The following ABCD4 variants were observed in gnomAD, a reference collection of about 807,000 sequenced individuals.
The protein encoded by ABCD4 is lysosomal cobalamin transporter ABCD4.
ABCD4 carries 53 observed loss-of-function variants against 86.3 expected under a neutral mutation model. That is an observed-to-expected ratio of 0.61 (90% confidence interval 0.49 to 0.77). The LOEUF (loss-of-function observed/expected upper bound fraction) is 0.77. Among genes scored for constraint, ABCD4 ranks in the 30% least tolerant of loss-of-function variants. The probability of loss-of-function intolerance (pLI) is 0.00; values close to 1 mark genes in which losing one functional copy is unlikely to be tolerated. For synonymous variants in ABCD4, 328 were observed against 313.6 expected (o/e 1.05, Z -0.49); for missense variants, 757 against 764.5 (o/e 0.99, Z 0.12).
Position 74,290,012 on chromosome 14 carries a change from C to T in ABCD4, c.1419+15G>A, listed in dbSNP as rs2081034230. 7 of 1,614,052 alleles carry T rather than the reference C, an allele frequency of 4.3e-6. No individual in the cohort carries two copies. Among genetic ancestry groups the T allele is most frequent in the African/African-American group, 1.3e-5 (1 of 75,004 alleles). On this transcript the variant is annotated intron_variant, in intron 13 of 18. Transcript: ENST00000356924. Reference sequence around the variant, plus strand: ...GGTTGAGGAGGGAGGAGTGAGCCCCCTGAACTAGACTGACCTGCTCCCGAA... The same window carrying T: ...GGTTGAGGAGGGAGGAGTGAGCCCCTTGAACTAGACTGACCTGCTCCCGAA...
Position 74,298,007 on chromosome 14 carries a change from A to G in ABCD4, c.348T>C (p.Thr116=). Residue 116 remains threonine (T), a synonymous_variant, in exon 4 of 19, where the codon ACT becomes ACC. Transcript: ENST00000356924. ...LLYVSWRKDL[T]EHLHRLYFRG... is the part of the protein sequence containing the mutation. ...GGAAGTAGAGGCGGTGAAGGTGCTC[A>G]GTGAGGTCCTTCCTCCAGCTCACAT... The G allele has an allele frequency of 6.2e-7, 1 of 1,614,068 alleles. No individual in the cohort carries two copies. Among genetic ancestry groups the G allele is most frequent in the Non-Finnish European group, 8.5e-7 (1 of 1,179,994 alleles).
At position 74,290,335 on chromosome 14, in the gene ABCD4, G is replaced by A. The variant is rs945270666; in HGVS notation, c.1283C>T (p.Thr428Ile). Residue 428 changes from threonine to isoleucine, a missense_variant, in exon 12 of 19, where the codon ACC becomes ATC. Transcript: ENST00000356924. Reference sequence around the variant, plus strand: ...GCCACCCAGAACCCGGAGCAAGGAGGTCTTGCCAGTGCCCGTGTTGCCTGT... The same window carrying A: ...GCCACCCAGAACCCGGAGCAAGGAGATCTTGCCAGTGCCCGTGTTGCCTGT... ...LITGNTGTGKTSLLRVLGGLW... is the reference protein window; with the variant it reads ...LITGNTGTGKISLLRVLGGLW... 4 of 1,614,238 alleles carry A rather than the reference G, an allele frequency of 2.5e-6. No homozygotes were observed. Among genetic ancestry groups the A allele is most frequent in the East Asian group, 2.2e-5 (1 of 44,882 alleles).
At chr14:74,301,300 C>T (rs552848878) in intron 1 of ABCD4, among the ~76,000 whole-genome samples, 6 of 151,774 alleles carry the variant, frequency 4.0e-5, no homozygotes, top group East Asian at 1.9e-4. Flanking sequence ...GCTGGGAGTA[C>T]GGGCGTGCGT....
chr14:74,291,500 G>A (rs972091250), intron 11 of ABCD4, among the ~76,000 whole-genome samples: 1 of 152,202 alleles, frequency 6.6e-6, no homozygotes, highest in African/African-American at 2.4e-5. Context: ...TAACAAGAAT[G>A]GGAGTGGTTA....
At position 74,292,868 on chromosome 14, in the gene ABCD4, G is replaced by A. The variant is rs146255863; in HGVS notation, c.816C>T (p.Ile272=). 2.9e-5 allele frequency: 46 copies of A among 1,613,986 alleles called. No individual in the cohort carries two copies. In the Middle Eastern group the frequency reaches 9.9e-4, roughly 35 times the overall value. ...CCAGATAGTCAAAGGTGTTGATGCC[G>A]ACTGTAGAAAACACATCTGTGAGAC... ...ELMSKELWLY[I]GINTFDYLGS... is the part of the protein sequence containing the mutation. The change falls in exon 9 of 19, where the codon ATC becomes ATT. Residue 272 remains isoleucine, a splice_region_variant and synonymous_variant. Transcript: ENST00000356924.
At chr14:74,289,756 A>AATCC (rs2080948424) in intron 13 of ABCD4, 8 of 1,434,180 alleles carry the variant, frequency 5.6e-6, no homozygotes, top group Non-Finnish European at 7.3e-6. Flanking sequence ...GGGGCCCCAG[A>AATCC]ATCCGACCTT....
chr14:74,299,331 G>T, intron 3 of ABCD4: 1 of 517,792 alleles, frequency 1.9e-6, no homozygotes, highest in Non-Finnish European at 3.4e-6. Context: ...CTGTGGCCTG[G>T]GCCCAGGAGT....
intron 7 of ABCD4, 73 bp downstream of exon 7, chr14:74,295,075 G>A (rs2082492656): frequency 3.2e-6 from 5 of 1,571,886 alleles, no homozygotes; most frequent in Middle Eastern, 1.7e-4. Flanking sequence ...TGGTGGGAGG[G>A]TTGAGGATTC....
chr14:74,300,342 T>C (rs531134879), intron 1 of ABCD4, 74 bp from the exon 2 acceptor site: 29 of 959,998 alleles, frequency 3.0e-5, no homozygotes, highest in African/African-American at 2.6e-4. Flanking sequence ...ATTAAGCTCA[T>C]CCACATTGTT....
intron 1 of ABCD4, among the ~76,000 whole-genome samples, chr14:74,301,617 G>C (rs1458214811): frequency 6.6e-6 from 1 of 152,186 alleles, no homozygotes; most frequent in East Asian, 1.9e-4. Flanking sequence ...GCTCACGTCT[G>C]TAATTCCTTT....
At position 74,297,923 on chromosome 14, in the gene ABCD4, C is replaced by T. The variant is rs375608814; in HGVS notation, c.425+7G>A. 1.2e-5 allele frequency: 20 copies of T among 1,609,718 alleles called. No homozygotes were observed. The highest frequency in any genetic ancestry group is 8.0e-5 in the African/African-American group (6 of 74,610). ...GAGTGTAGAAAGGACTGAGTTGGGG[C>T]GCCTACGGGTTATCGATGTCATCCC... On this transcript the variant is annotated splice_region_variant and intron_variant, in intron 4 of 18. Transcript: ENST00000356924.
At chr14:74,295,035 G>T in intron 7 of ABCD4, 113 bp downstream of exon 7, 2 of 1,315,246 alleles carry the variant, frequency 1.5e-6, no homozygotes, top group Non-Finnish European at 2.2e-6. Flanking sequence ...ACAGCCAAGT[G>T]TGACAACACT....
intron 5 of ABCD4, 92 bp from the exon 6 acceptor site, chr14:74,296,071 A>G (rs2140007406): frequency 1.3e-6 from 2 of 1,496,234 alleles, no homozygotes; most frequent in East Asian, 4.6e-5. Flanking sequence ...CCTCTCAGGT[A>G]GCCCCTGTCC....
chr14:74,290,326 AG>A lies in ABCD4; in HGVS notation c.1291del (p.Leu431SerfsTer18), dbSNP rs1271527820. The A allele has an allele frequency of 6.2e-7, 1 of 1,614,080 alleles. No individual in the cohort carries two copies. The highest frequency in any genetic ancestry group is 8.5e-7 in the Non-Finnish European group (1 of 1,179,998). On this transcript the variant is annotated frameshift_variant, in exon 12 of 19. Coordinates refer to ENST00000356924, the MANE Select transcript of ABCD4 (RefSeq NM_005050.4). LOFTEE classifies it high-confidence loss of function. ...GNTGTGKTSL[L>X]RVLGGLWTST... ...CGTCCAGAGGCCACCCAGAACCCGG[AG>A]CAAGGAGGTCTTGCCAGTGCCCGTG...
rs774320033 is a variant in ABCD4, at chr14:74,287,763, G to A, written c.1636+47C>T. On this transcript the variant is annotated intron_variant, in intron 17 of 18. Coordinates refer to ENST00000356924, the MANE Select transcript of ABCD4 (RefSeq NM_005050.4). ...TGTGAACACATGCTGCTACACCCGT[G>A]AGTGCAGACAGCGCATGGCATGTGC... 205 of 1,535,566 alleles carry A rather than the reference G, an allele frequency of 1.3e-4. 3 individuals carry two copies. The South Asian group carries it at 2.3e-3, about 17-fold the overall frequency.
At chr14:74,299,835 G>C in intron 2 of ABCD4, 160 bp from the exon 3 acceptor site, 1 of 656,700 alleles carries the variant, frequency 1.5e-6, no homozygotes, top group South Asian at 1.9e-5. Flanking sequence ...GCTGAGGCGG[G>C]TGTATCACCT....
rs773214307 is a variant in ABCD4 at position 74,299,584 on chromosome 14, T to A, written c.249A>T (p.Thr83=). ...NKDLEGFKTL[T]FLAVMLIVLN... ...GAACAATGAGCATGACAGCCAGGAA[T>A]GTCAGAGTCTTAAACCCTTCCAAGT... The change falls in exon 3 of 19, where the codon ACA becomes ACT. Residue 83 remains threonine, a synonymous_variant. Transcript: ENST00000356924. 1 of 1,613,918 alleles carries A rather than the reference T, an allele frequency of 6.2e-7. No individual in the cohort carries two copies. The highest frequency in any genetic ancestry group is 8.5e-7 in the Non-Finnish European group (1 of 1,179,898).
chr14:74,289,980 T>C, intron 13 of ABCD4, 47 bp downstream of exon 13: 2 of 1,612,466 alleles, frequency 1.2e-6, no homozygotes, highest in Non-Finnish European at 1.7e-6. Context: ...CAGCTGTGGG[T>C]GGGCGGGGTT....
intron 17 of ABCD4, among the ~76,000 whole-genome samples, chr14:74,287,275 A>C (rs1023090142): frequency 2.6e-5 from 4 of 152,226 alleles, no homozygotes; most frequent in Non-Finnish European, 4.4e-5. Context: ...TGAGCTAGGC[A>C]TAGTGGTTCA....
Sources: allele counts gnomAD v4.1 joint callset (sites outside exome capture counted in the v4.1 genomes callset), GRCh38; gene constraint gnomAD v4.1.1; transcripts MANE v1.5; gene names NCBI Gene and HGNC (gene_info 2026-07-23, HGNC 2026-07-21).